TRPM1: variants seen among roughly 807,000 people sequenced by gnomAD.
TRPM1 encodes the protein transient receptor potential cation channel subfamily M member 1, also known as TRPM1-203 APA Isoform, Intron 10.
In TRPM1, 113 loss-of-function variants were observed where a neutral mutation model predicts 149.4. That is an observed-to-expected ratio of 0.76 (90% CI 0.65 to 0.88). TRPM1 has a LOEUF of 0.88. TRPM1 is among the 40% of genes least tolerant of loss of function. TRPM1 has a pLI of 0.00. For missense variants in TRPM1, 1,976 were observed against 2,038.7 expected (o/e 0.97, Z 0.59); for synonymous variants, 741 against 759.5 (o/e 0.98, Z 0.40).
chr15:31,141,947 A>G lies in TRPM1; in HGVS notation c.54+18959T>C, dbSNP rs529800764. On this transcript the variant is annotated intron_variant, in intron 1 of 26. Transcript: ENST00000542188. ...TTAAGTTGAAAAGACCAGACTGGGT[A>G]GAGTGGCTCACACTTGTAATCCCAG... 6.2e-4 allele frequency among the ~76,000 whole-genome samples: 94 copies of G among 152,340 alleles called. 1 individual carries two copies. In the Middle Eastern group the frequency reaches 0.034, roughly 55 times the overall value.
rs1430347629 is a variant in TRPM1 at position 31,002,630 on chromosome 15, GT to G, written c.4069del (p.Thr1357ProfsTer9). On this transcript the variant is annotated frameshift_variant, in exon 28 of 28. Transcript: ENST00000256552. LOFTEE classifies it low-confidence loss of function (END_TRUNC). ...HLSLGTSTSA[T>X]PDGSHLAVDD... Reference sequence around the variant, plus strand: ...TACTGCAAGGTGACTGCCATCTGGGGTTGCTGATGTGCTTGTGCCCAGTGAA... The same window carrying G: ...TACTGCAAGGTGACTGCCATCTGGGGTGCTGATGTGCTTGTGCCCAGTGAA... 1 of 1,614,164 alleles carries G rather than the reference GT, an allele frequency of 6.2e-7. No homozygotes were observed. Among genetic ancestry groups the G allele is most frequent in the East Asian group, 2.2e-5 (1 of 44,886 alleles).
intron 1 of TRPM1, among the ~76,000 whole-genome samples, chr15:31,095,557 C>T (rs547625818): frequency 3.3e-5 from 5 of 151,068 alleles, no homozygotes; most frequent in Non-Finnish European, 7.4e-5. Context: ...TGGTGACAGG[C>T]GCCTGTAATC....
intron 1 of TRPM1, among the ~76,000 whole-genome samples, chr15:31,083,118 A>G (rs2034906144): frequency 6.6e-6 from 1 of 152,154 alleles, no homozygotes; most frequent in South Asian, 2.1e-4. Context: ...TCTGAATGTA[A>G]GAGCTGGTGT....
chr15:31,088,840 A>C (rs927059232), intron 1 of TRPM1, among the ~76,000 whole-genome samples: 4 of 149,032 alleles, frequency 2.7e-5, no homozygotes, highest in Non-Finnish European at 5.9e-5. Flanking sequence ...TACCGGGGCG[A>C]TGCGATAAGC....
At chr15:31,130,152 A>G (rs1166425792) in intron 1 of TRPM1, among the ~76,000 whole-genome samples, 2 of 152,228 alleles carry the variant, frequency 1.3e-5, no homozygotes, top group Non-Finnish European at 2.9e-5. Flanking sequence ...TGAAGGGTTA[A>G]TGCCGGGTGC....
chr15:31,031,539 T>C (rs970157467), intron 22 of TRPM1, among the ~76,000 whole-genome samples: 2 of 152,174 alleles, frequency 1.3e-5, no homozygotes, highest in Admixed American at 1.3e-4. Flanking sequence ...AATAAAACGA[T>C]AATGAATTGA....
chr15:31,013,609 T>C (rs900103356), intron 27 of TRPM1, among the ~76,000 whole-genome samples: 1 of 152,208 alleles, frequency 6.6e-6, no homozygotes, highest in African/African-American at 2.4e-5. Context: ...TTTGCATGTT[T>C]TGTCATTTTT....
At chr15:31,145,508 C>T (rs76711855) in intron 1 of TRPM1, among the ~76,000 whole-genome samples, 5,453 of 152,282 alleles carry the variant, frequency 0.036, 153 homozygotes, top group Non-Finnish European at 0.049. Context: ...ATCCTCTAGT[C>T]CACCTAGTGG....
At chr15:31,146,832 C>CA (rs2036230010) in intron 1 of TRPM1, among the ~76,000 whole-genome samples, 1 of 152,216 alleles carries the variant, frequency 6.6e-6, no homozygotes, top group Middle Eastern at 3.4e-3. Context: ...ACTAAAAATA[C>CA]AAAAAATTAG....
At chr15:31,121,098 G>A (rs2035870609) in intron 1 of TRPM1, among the ~76,000 whole-genome samples, 1 of 151,604 alleles carries the variant, frequency 6.6e-6, no homozygotes, top group Non-Finnish European at 1.5e-5. Flanking sequence ...ATGGTGGTGG[G>A]TGCCTGTAAT....
intron 16 of TRPM1, among the ~76,000 whole-genome samples, chr15:31,044,546 G>A (rs2033711288): frequency 6.6e-6 from 1 of 152,158 alleles, no homozygotes; most frequent in Non-Finnish European, 1.5e-5. Context: ...GCCAAGATGG[G>A]TGGATCACCT....
intron 18 of TRPM1, among the ~76,000 whole-genome samples, chr15:31,039,558 A>T (rs1178800562): frequency 6.6e-6 from 1 of 152,226 alleles, no homozygotes; most frequent in Non-Finnish European, 1.5e-5. Flanking sequence ...AAGATAACCT[A>T]GTAGTTAACA....
At chr15:31,127,896 G>A (rs1201202191) in intron 1 of TRPM1, among the ~76,000 whole-genome samples, 1 of 152,192 alleles carries the variant, frequency 6.6e-6, no homozygotes, top group Admixed American at 6.5e-5. Context: ...AAGGGGCCTG[G>A]AAGTGGAGGT....
At chr15:31,130,756 T>C (rs2036006306) in intron 1 of TRPM1, among the ~76,000 whole-genome samples, 1 of 152,174 alleles carries the variant, frequency 6.6e-6, no homozygotes, top group Admixed American at 6.5e-5. Flanking sequence ...TGCCCCTCTA[T>C]GATTTCATCT....
intron 27 of TRPM1, among the ~76,000 whole-genome samples, chr15:31,009,883 T>C (rs1256648469): frequency 6.6e-6 from 1 of 152,230 alleles, no homozygotes; most frequent in African/African-American, 2.4e-5. Context: ...TCTTTGAATT[T>C]TCTTAATATC....
At chr15:31,093,628 G>C (rs1447908542) in intron 1 of TRPM1, among the ~76,000 whole-genome samples, 3 of 151,790 alleles carry the variant, frequency 2.0e-5, no homozygotes, top group Non-Finnish European at 4.4e-5. Context: ...TTGAGATGGA[G>C]TCTTGCTCTG....
chr15:31,033,021 A>G (rs1334410831), intron 21 of TRPM1, 81 bp from the exon 22 acceptor site: 1 of 1,586,366 alleles, frequency 6.3e-7, no homozygotes. Flanking sequence ...AATAAGACTG[A>G]TGGAACATTC....
chr15:31,062,087 A>G (rs181521118), intron 9 of TRPM1, among the ~76,000 whole-genome samples: 182 of 152,102 alleles, frequency 1.2e-3, no homozygotes, highest in Middle Eastern at 3.4e-3. Flanking sequence ...AGGGAGCTAC[A>G]CTCCGAAATC....
intron 27 of TRPM1, among the ~76,000 whole-genome samples, chr15:31,014,642 C>G (rs2032294995): frequency 6.6e-6 from 1 of 152,150 alleles, no homozygotes; most frequent in Non-Finnish European, 1.5e-5. Context: ...TTTGTTGTTG[C>G]TTTTATGGTG....
Sources: gnomAD v4.1 joint callset for allele counts (sites outside exome capture counted in the v4.1 genomes callset) on GRCh38, gnomAD v4.1.1 for gene constraint, MANE v1.5 for transcripts, NCBI Gene and HGNC (gene_info 2026-07-23, HGNC 2026-07-21) for gene names.